The following FGGY variants were observed in gnomAD, a reference collection of about 807,000 sequenced individuals.
FGGY encodes the protein FGGY carbohydrate kinase domain containing.
Under a neutral mutation model 71.3 loss-of-function variants are expected in FGGY, and 72 were observed. The observed-to-expected ratio is 1.01, with a 90% CI of 0.84 to 1.23. The LOEUF (loss-of-function observed/expected upper bound fraction) is 1.23, where lower values mean the gene tolerates loss of function less well. FGGY is among the 50% of genes most tolerant of loss of function. The probability of loss-of-function intolerance (pLI) is 0.00; values close to 1 mark genes in which losing one functional copy is unlikely to be tolerated. For synonymous variants in FGGY, 251 were observed against 250.3 expected (o/e 1.00, Z -0.02); for missense variants, 668 against 682.3 (o/e 0.98, Z 0.23).
chr1:59,367,255 C>T (rs2153234296), intron 4 of FGGY, among the ~76,000 whole-genome samples: 1 of 152,298 alleles, frequency 6.6e-6, no homozygotes, highest in Non-Finnish European at 1.5e-5. Flanking sequence ...TTTATTCATT[C>T]TGAGAAGTTT....
chr1:59,626,214 T>C, intron 10 of FGGY, 165 bp downstream of exon 10: 1 of 549,990 alleles, frequency 1.8e-6, no homozygotes. Flanking sequence ...GTATTAATTC[T>C]TTAAATGAGG....
intron 9 of FGGY, among the ~76,000 whole-genome samples, chr1:59,613,100 G>A (rs530338531): frequency 1.3e-5 from 2 of 152,244 alleles, no homozygotes; most frequent in East Asian, 3.9e-4. Flanking sequence ...GAGACAGAAC[G>A]TTAACAAGGA....
chr1:59,470,838 CTTGT>C (rs2092904885), intron 6 of FGGY, among the ~76,000 whole-genome samples: 1 of 152,142 alleles, frequency 6.6e-6, no homozygotes, highest in Admixed American at 6.5e-5. Flanking sequence ...TAGTGTGTGG[CTTGT>C]TTTTCATTTT....
chr1:59,612,308 C>G (rs1053350252), intron 9 of FGGY, among the ~76,000 whole-genome samples: 5 of 152,230 alleles, frequency 3.3e-5, no homozygotes, highest in Non-Finnish European at 5.9e-5. Context: ...TCGGCAGAAA[C>G]TCTACAAGCC....
At chr1:59,613,255 CG>C (rs1558547378) in intron 9 of FGGY, among the ~76,000 whole-genome samples, 3 of 152,100 alleles carry the variant, frequency 2.0e-5, no homozygotes, top group East Asian at 3.9e-4. Context: ...GAAGTAAAGA[CG>C]TCCTCAGCAA....
chr1:59,378,685 T>G (rs188166317), intron 4 of FGGY, 64 bp from the exon 5 acceptor site: 2 of 1,462,452 alleles, frequency 1.4e-6, no homozygotes, highest in Non-Finnish European at 9.5e-7. Context: ...ATTTGAAACA[T>G]TATTGAAAGA....
intron 7 of FGGY, among the ~76,000 whole-genome samples, chr1:59,528,582 T>C (rs2153660208): frequency 1.3e-5 from 2 of 152,334 alleles, no homozygotes; most frequent in South Asian, 4.1e-4. Context: ...CTCTTCTATT[T>C]TGTTGAAAGA....
chr1:59,540,134 A>G (rs1256243429), intron 7 of FGGY, among the ~76,000 whole-genome samples: 1 of 152,240 alleles, frequency 6.6e-6, no homozygotes, highest in Non-Finnish European at 1.5e-5. Flanking sequence ...TGATGGGGAT[A>G]TCAAACACCT....
intron 7 of FGGY, among the ~76,000 whole-genome samples, chr1:59,545,838 C>A (rs936399982): frequency 6.6e-6 from 1 of 152,204 alleles, no homozygotes; most frequent in Non-Finnish European, 1.5e-5. Flanking sequence ...CATGGTGCTA[C>A]ATGTAATTGT....
At chr1:59,583,554 G>A (rs1241395123) in intron 8 of FGGY, among the ~76,000 whole-genome samples, 3 of 142,746 alleles carry the variant, frequency 2.1e-5, no homozygotes, top group Admixed American at 6.9e-5. Context: ...GAAAACCTTG[G>A]TTGTTTAGAC....
chr1:59,587,462 C>T (rs1363451795), intron 8 of FGGY, among the ~76,000 whole-genome samples: 4 of 152,272 alleles, frequency 2.6e-5, no homozygotes, highest in African/African-American at 9.6e-5. Context: ...CAGCACGCAA[C>T]TGGAGATCTG....
chr1:59,315,711 T>C (rs936433412), intron 1 of FGGY: 1 of 152,192 alleles, frequency 6.6e-6, no homozygotes, highest in Non-Finnish European at 1.5e-5. Context: ...CTTATACGCG[T>C]TTTTACAGAC....
At chr1:59,478,263 G>A (rs192502493) in intron 6 of FGGY, among the ~76,000 whole-genome samples, 3 of 152,186 alleles carry the variant, frequency 2.0e-5, no homozygotes, top group Admixed American at 1.3e-4. Context: ...TCTGTCTCTC[G>A]TGGGTATCAT....
intron 5 of FGGY, among the ~76,000 whole-genome samples, chr1:59,404,418 C>A (rs1272715554): frequency 3.3e-5 from 5 of 152,114 alleles, no homozygotes; most frequent in Admixed American, 3.3e-4. Flanking sequence ...AAGAGGCTAG[C>A]TCAAAGACTA....
intron 7 of FGGY, among the ~76,000 whole-genome samples, chr1:59,520,980 C>T (rs2094811828): frequency 7.8e-6 from 1 of 127,478 alleles, no homozygotes; most frequent in African/African-American, 3.1e-5. Flanking sequence ...GGAGCTTGTC[C>T]AAAATGAGAG....
At chr1:59,345,991 T>C (rs1388374307) in intron 3 of FGGY, among the ~76,000 whole-genome samples, 1 of 152,182 alleles carries the variant, frequency 6.6e-6, no homozygotes, top group Non-Finnish European at 1.5e-5. Flanking sequence ...TATAATTAAT[T>C]GGTAGATGTT....
intron 6 of FGGY, among the ~76,000 whole-genome samples, chr1:59,460,814 C>T (rs951623713): frequency 1.3e-5 from 2 of 152,180 alleles, no homozygotes; most frequent in African/African-American, 4.8e-5. Flanking sequence ...GCAAATTCCA[C>T]TTTATGAAAA....
chr1:59,626,132 C>T (rs1049333454), intron 10 of FGGY, 83 bp downstream of exon 10: 1 of 1,088,552 alleles, frequency 9.2e-7, no homozygotes, highest in Non-Finnish European at 1.4e-6. Context: ...GGGTGATTTT[C>T]AGATCCTACA....
intron 5 of FGGY, among the ~76,000 whole-genome samples, chr1:59,403,769 G>A (rs1032452489): frequency 1.1e-4 from 16 of 152,312 alleles, no homozygotes; most frequent in East Asian, 3.9e-4. Context: ...TGGGCTTAAG[G>A]AGTGTTTCTG....
Sources: allele counts gnomAD v4.1 joint callset (sites outside exome capture counted in the v4.1 genomes callset), GRCh38; gene constraint gnomAD v4.1.1; transcripts MANE v1.5; gene names NCBI Gene and HGNC (gene_info 2026-07-23, HGNC 2026-07-21).